Variants in GPR157 observed in about 807,000 individuals in gnomAD.
The protein encoded by GPR157 is G-protein coupled receptor 157.
In GPR157, 16 loss-of-function variants were observed where a neutral mutation model predicts 23.5. That is an observed-to-expected ratio of 0.68 (90% CI 0.46 to 1.04). The LOEUF is 1.04. Among genes scored for constraint, GPR157 ranks in the 50% least tolerant of loss-of-function variants. GPR157 has a pLI of 0.00. For missense variants in GPR157, 440 were observed against 460.7 expected (o/e 0.96, Z 0.41); for synonymous variants, 200 against 221.5 (o/e 0.90, Z 0.86).
Position 9,104,342 on chromosome 1 carries a change from C to T in GPR157, c.*77G>A. 1 of 1,064,132 alleles carries T rather than the reference C, an allele frequency of 9.4e-7. No homozygotes were observed. The highest frequency in any genetic ancestry group is 2.4e-5 in the East Asian group (1 of 41,796). 65.9% of individuals were successfully genotyped at this position (1,064,132 alleles called of 1,614,324 possible). A position where few individuals can be genotyped will look rare whatever the true frequency, so the allele number is the denominator to read the frequency against. The stretch of plus-strand genomic sequence containing the variant: ...TGGTGCAGCAGACATGCACTTCTGC[C>T]CCTGCAGCAGGGACTCACAGAAGTG... On this transcript the variant is annotated 3_prime_UTR_variant, in exon 4 of 4. Coordinates refer to ENST00000377411, the MANE Select transcript of GPR157 (RefSeq NM_024980.5).
rs1405175514 is a variant in GPR157, at chr1:9,110,021, G to C, written c.597+1255C>G. Among the ~76,000 whole-genome samples, 8 of 152,218 alleles carry C rather than the reference G, an allele frequency of 5.3e-5. No individual in the cohort carries two copies. The East Asian group carries it at 1.5e-3, about 29-fold the overall frequency. ...AATAGAAACACAGGGACTCACTCCA[G>C]CAAGCCTGCAGGATGAGCCCGGAAG... On this transcript the variant is annotated intron_variant, in intron 2 of 3. Coordinates refer to ENST00000377411, the MANE Select transcript of GPR157 (RefSeq NM_024980.5).
In GPR157 at chr1:9,120,916, C is replaced by T. The variant is rs1232577963; in HGVS notation, c.383+7729G>A. 2.6e-5 allele frequency among the ~76,000 whole-genome samples: 4 copies of T among 152,156 alleles called. No individual in the cohort carries two copies. The highest frequency in any genetic ancestry group is 9.7e-5 in the African/African-American group (4 of 41,420). The stretch of plus-strand genomic sequence containing the variant: ...GATTGATATTTTCAGGAGTAGTGGC[C>T]GACATGGGGTACTATTCATGTGGCC... On this transcript the variant is annotated intron_variant, in intron 1 of 3. Coordinates refer to ENST00000377411, the MANE Select transcript of GPR157 (RefSeq NM_024980.5). The surrounding 1 kb of genome is among the most constrained non-coding windows in gnomAD (Gnocchi z 4.1).
intron 1 of GPR157, among the ~76,000 whole-genome samples, chr1:9,117,880 A>C (rs993196128): frequency 9.2e-5 from 14 of 152,306 alleles, no homozygotes; most frequent in South Asian, 2.1e-4. Context: ...CCACCACCCC[A>C]AAAAAATAAA....
rs375587734 is a variant in GPR157, at chr1:9,118,648, G to T, written c.384-7159C>A. 1.1e-4 allele frequency among the ~76,000 whole-genome samples: 16 copies of T among 152,328 alleles called. No homozygotes were observed. The highest frequency in any genetic ancestry group is 3.8e-4 in the African/African-American group (16 of 41,578). On this transcript the variant is annotated intron_variant, in intron 1 of 3. Transcript: ENST00000377411. The surrounding 1 kb of genome is among the most constrained non-coding windows in gnomAD (Gnocchi z 4.6). ...GTCCTAATCCCCAGAACCTCAGAAT[G>T]TGAGTGTATTTGAGAGATAGGGTCT...
intron 2 of GPR157, among the ~76,000 whole-genome samples, chr1:9,108,349 G>A (rs192516090): frequency 2.6e-5 from 4 of 152,156 alleles, no homozygotes; most frequent in Non-Finnish European, 4.4e-5. Context: ...TGCCCACTTC[G>A]ATCCCGTTTT....
chr1:9,104,375 C>G lies in GPR157; in HGVS notation c.*44G>C, dbSNP rs1319814744. ...CAGGGACTCACAGAAGTGCCTACCC[C>G]CAGGAAGGCAGCACCTATGCACAGA... On this transcript the variant is annotated 3_prime_UTR_variant, in exon 4 of 4. Coordinates refer to ENST00000377411, the MANE Select transcript of GPR157 (RefSeq NM_024980.5). 1 of 1,458,106 alleles carries G rather than the reference C, an allele frequency of 6.9e-7. No individual in the cohort carries two copies. Among genetic ancestry groups the G allele is most frequent in the South Asian group, 1.1e-5 (1 of 87,442 alleles). The allele number at this position is 1,458,106 out of a possible 1,614,324, so 90.3% of individuals were successfully genotyped here. A position where few individuals can be genotyped will look rare whatever the true frequency, so the allele number is the denominator to read the frequency against.
At chr1:9,107,734 C>A (rs1043998547) in intron 2 of GPR157, among the ~76,000 whole-genome samples, 5 of 152,156 alleles carry the variant, frequency 3.3e-5, no homozygotes, top group Non-Finnish European at 5.9e-5. Context: ...CAAGACCAGG[C>A]TGGCCAAAAT....
At chr1:9,122,325 T>C (rs1357450652) in intron 1 of GPR157, among the ~76,000 whole-genome samples, 3 of 152,112 alleles carry the variant, frequency 2.0e-5, no homozygotes, top group African/African-American at 7.2e-5. Flanking sequence ...CCCCTGAACA[T>C]TGAGTATCTC....
At chr1:9,112,377 C>A (rs770027) in intron 1 of GPR157, among the ~76,000 whole-genome samples, 1 of 151,996 alleles carries the variant, frequency 6.6e-6, no homozygotes, top group African/African-American at 2.4e-5. Flanking sequence ...TGGCGGGGAA[C>A]AGAACCTGGC....
intron 1 of GPR157, among the ~76,000 whole-genome samples, chr1:9,121,923 G>T (rs965961727): frequency 6.6e-6 from 1 of 152,080 alleles, no homozygotes; most frequent in Non-Finnish European, 1.5e-5. Flanking sequence ...GAACCGGCTC[G>T]GCCAGGACGC....
rs1557699534 is a variant in GPR157, at chr1:9,120,548, T to C, written c.383+8097A>G. On this transcript the variant is annotated intron_variant, in intron 1 of 3. Coordinates refer to ENST00000377411, the MANE Select transcript of GPR157 (RefSeq NM_024980.5). The surrounding 1 kb of genome is among the most constrained non-coding windows in gnomAD (Gnocchi z 4.1). ...CTGGAGGTTTCTTCCCTGGGAACAA[T>C]GGACACTTATTGTCCAGCTCCAGCG... Among the ~76,000 whole-genome samples, 2 of 152,172 alleles carry C rather than the reference T, an allele frequency of 1.3e-5. No individual in the cohort carries two copies. The highest frequency in any genetic ancestry group is 2.1e-4 in the South Asian group (1 of 4,834).
At chr1:9,106,337 C>T (rs190012917) in intron 2 of GPR157, among the ~76,000 whole-genome samples, 2 of 152,204 alleles carry the variant, frequency 1.3e-5, no homozygotes, top group East Asian at 1.9e-4. Flanking sequence ...CTCCCCCCTA[C>T]AGTCCATTCT....
intron 2 of GPR157, among the ~76,000 whole-genome samples, chr1:9,108,665 T>C (rs1414564420): frequency 6.6e-6 from 1 of 152,230 alleles, no homozygotes; most frequent in Non-Finnish European, 1.5e-5. Context: ...TTTCTTTTTT[T>C]TGAGACAGGG....
At chr1:9,112,056 T>C (rs1284181149) in intron 1 of GPR157, among the ~76,000 whole-genome samples, 1 of 152,220 alleles carries the variant, frequency 6.6e-6, no homozygotes, top group African/African-American at 2.4e-5. Context: ...TCGTGACTGT[T>C]GTGAGTCACG....
At chr1:9,109,132 G>C (rs1200538998) in intron 2 of GPR157, among the ~76,000 whole-genome samples, 7 of 138,260 alleles carry the variant, frequency 5.1e-5, no homozygotes, top group Non-Finnish European at 1.1e-4. Context: ...GCCCAGGCTA[G>C]AGTACAATGG....
At chr1:9,117,870 C>G (rs1021775988) in intron 1 of GPR157, among the ~76,000 whole-genome samples, 7 of 152,180 alleles carry the variant, frequency 4.6e-5, no homozygotes, top group Non-Finnish European at 7.4e-5. Flanking sequence ...ATACGGGAAG[C>G]CACCACCCCA....
chr1:9,111,457 G>A lies in GPR157; in HGVS notation c.416C>T (p.Ala139Val). The A allele has an allele frequency of 6.2e-7, 1 of 1,613,178 alleles. No individual in the cohort carries two copies. The highest frequency in any genetic ancestry group is 2.2e-5 in the East Asian group (1 of 44,882). ...WGVPLVITVAAVALKKIGYDA... is the reference protein window; with the variant it reads ...WGVPLVITVAVVALKKIGYDA... Reference sequence around the variant, plus strand: ...ATAGCCAATCTTCTTCAGGGCGACGGCTGCCACAGTGATGACCAACGGGAC... The same window carrying A: ...ATAGCCAATCTTCTTCAGGGCGACGACTGCCACAGTGATGACCAACGGGAC... The change falls in exon 2 of 4, where the codon GCC (alanine) becomes GTC (valine). Residue 139 changes from alanine (A) to valine (V), a missense_variant. By Grantham distance (64) the Ala-to-Val change is moderately conservative. Coordinates refer to ENST00000377411, the MANE Select transcript of GPR157 (RefSeq NM_024980.5).
intron 1 of GPR157, among the ~76,000 whole-genome samples, chr1:9,123,602 T>TTA: frequency 7.2e-5 from 4 of 55,736 alleles, no homozygotes; most frequent in African/African-American, 9.4e-5. Flanking sequence ...AATGTATATT[T>TTA]AATATATATT....
chr1:9,127,823 C>T (rs1340517406), intron 1 of GPR157, among the ~76,000 whole-genome samples: 1 of 152,118 alleles, frequency 6.6e-6, no homozygotes, highest in Non-Finnish European at 1.5e-5. Flanking sequence ...AGGAAAACAG[C>T]CCCTAGGATT....
Sources: gnomAD v4.1 joint callset for allele counts (sites outside exome capture counted in the v4.1 genomes callset) on GRCh38, gnomAD v4.1.1 for gene constraint, Gnocchi (gnomAD v3.1) non-coding constraint, MANE v1.5 for transcripts, NCBI Gene and HGNC (gene_info 2026-07-23, HGNC 2026-07-21) for gene names.